EXOC7: variants seen among roughly 807,000 people sequenced by gnomAD.
EXOC7 encodes exocyst complex component 7, also known as exocyst complex component Exo70.
A neutral mutation model predicts 87.6 loss-of-function variants in EXOC7; 51 were observed. The observed-to-expected ratio is 0.58, with a 90% confidence interval of 0.46 to 0.73. The LOEUF is 0.73. Ranked by LOEUF, EXOC7 falls within the 30% of genes least tolerant of loss-of-function variation. EXOC7 has a pLI of 0.00. For missense variants in EXOC7, 744 were observed against 888.4 expected (o/e 0.84, Z 2.07); for synonymous variants, 327 against 357.1 (o/e 0.92, Z 0.95).
At position 76,089,223 on chromosome 17, in the gene EXOC7, G is replaced by C. The variant is rs774094639; in HGVS notation, c.999C>G (p.Asp333Glu). ...LAQSEYQLLA[D>E]IIPEHHQKKT... The stretch of plus-strand genomic sequence containing the variant: ...TCTTCTGGTGGTGCTCGGGGATGAT[G>C]TCGGCCAGCAGCTGGTACTCGCTCT... The change falls in exon 8 of 19, where the codon GAC (aspartate) becomes GAG (glutamate). Residue 333 changes from aspartate to glutamate, a missense_variant. Around this residue, in one of 3 missense-constraint regions of EXOC7, gnomAD observed 512 missense variants for 573.0 expected, o/e 0.89. Transcript: ENST00000589210. The C allele has an allele frequency of 1.2e-6, 2 of 1,614,076 alleles. No individual in the cohort carries two copies. The highest frequency in any genetic ancestry group is 1.7e-4 in the Middle Eastern group (1 of 6,044).
rs761061183 is a variant in EXOC7, at chr17:76,103,350, G to A, written c.126+11C>T. The A allele has an allele frequency of 6.3e-7, 1 of 1,590,298 alleles. No homozygotes were observed. The highest frequency in any genetic ancestry group is 8.6e-7 in the Non-Finnish European group (1 of 1,167,658). On this transcript the variant is annotated intron_variant, in intron 2 of 18. Transcript: ENST00000589210. ...AGGCCTGCCCTCTCCCCCAGCTGCG[G>A]GGAGACTCACCATGTTCTTAGTGAG...
chr17:76,094,475 G>A lies in EXOC7; in HGVS notation c.747C>T (p.Tyr249=). The change falls in exon 6 of 19, where the codon TAC becomes TAT. Residue 249 remains tyrosine (Y), a synonymous_variant. Coordinates refer to ENST00000589210, the MANE Select transcript of EXOC7 (RefSeq NM_001013839.4). ...HKSSSSSGVP[Y]SPAIPNKRKD... The stretch of plus-strand genomic sequence containing the variant: ...TCCTCTTGTTGGGGATAGCAGGGGA[G>A]TAGGGAACCCCAGAGGAAGAACTGC... 2.5e-6 allele frequency: 4 copies of A among 1,614,176 alleles called. No individual in the cohort carries two copies. The highest frequency in any genetic ancestry group is 3.4e-6 in the Non-Finnish European group (4 of 1,180,038).
intron 2 of EXOC7, chr17:76,103,111 G>C (rs183934218): frequency 3.9e-4 from 211 of 541,788 alleles, no homozygotes; most frequent in Non-Finnish European, 9.6e-5. Flanking sequence ...AGAGAAGGAA[G>C]AATGGCGAGC....
rs781464206 is a variant in EXOC7, at chr17:76,098,080, TC to T, written c.418-63del. ...TTCAGTGTTCTGCCAGTCCTGGCCT[TC>T]CCCTGCCTGTGCCAGCTCTGTCTTC... On this transcript the variant is annotated intron_variant, in intron 4 of 18. Coordinates refer to ENST00000589210, the MANE Select transcript of EXOC7 (RefSeq NM_001013839.4). The T allele has an allele frequency of 1.1e-5, 16 of 1,437,442 alleles. No individual in the cohort carries two copies. The Admixed American group carries it at 2.6e-4, about 23-fold the overall frequency. 89.0% of individuals were successfully genotyped at this position (1,437,442 alleles called of 1,614,324 possible).
At chr17:76,100,568 G>A (rs749859088) in intron 4 of EXOC7, among the ~76,000 whole-genome samples, 20 of 151,900 alleles carry the variant, frequency 1.3e-4, no homozygotes, top group Admixed American at 2.0e-4. Context: ...CGGAGGCAGA[G>A]GTTGCAGTGA....
intron 18 of EXOC7, 39 bp from the exon 19 acceptor site, chr17:76,083,789 C>A (rs752360371): frequency 4.4e-6 from 7 of 1,582,902 alleles, no homozygotes; most frequent in South Asian, 2.2e-5. Flanking sequence ...GGAGGGCCGA[C>A]CCCTCCCCAG....
rs760460725 is a variant in EXOC7 at position 76,081,750 on chromosome 17, T to C, written c.*1898A>G. 1.2e-6 allele frequency: 2 copies of C among 1,614,028 alleles called. No homozygotes were observed. Among genetic ancestry groups the C allele is most frequent in the South Asian group, 2.2e-5 (2 of 91,080 alleles). Reference sequence around the variant, plus strand: ...CCCAGCTCCTCCTCCTGCAACCCACTGCTCAGTAAGCCCTGCTCCCTTACC... The same window carrying C: ...CCCAGCTCCTCCTCCTGCAACCCACCGCTCAGTAAGCCCTGCTCCCTTACC... On this transcript the variant is annotated 3_prime_UTR_variant, in exon 19 of 19. Coordinates refer to ENST00000589210, the MANE Select transcript of EXOC7 (RefSeq NM_001013839.4).
At chr17:76,086,992 A>AC in intron 12 of EXOC7, 1 of 1,055,636 alleles carries the variant, frequency 9.5e-7, no homozygotes, top group Non-Finnish European at 1.4e-6. Context: ...CGGCATGTCA[A>AC]CCCGAATTAA....
intron 5 of EXOC7, among the ~76,000 whole-genome samples, chr17:76,094,831 G>C (rs1319364441): frequency 6.7e-6 from 1 of 149,522 alleles, no homozygotes; most frequent in Non-Finnish European, 1.5e-5. Context: ...CTGCAGGCTC[G>C]ACCTCCTGGG....
At chr17:76,087,607 G>A (rs1422949464) in intron 12 of EXOC7, 47 bp downstream of exon 12, 1 of 1,532,008 alleles carries the variant, frequency 6.5e-7, no homozygotes, top group Non-Finnish European at 8.8e-7. Context: ...ATGTCTCCAG[G>A]CAAGGAGGCG....
chr17:76,097,483 C>A (rs550600906), intron 5 of EXOC7, among the ~76,000 whole-genome samples: 1 of 151,956 alleles, frequency 6.6e-6, no homozygotes, highest in African/African-American at 2.4e-5. Flanking sequence ...GTGGGCAGAT[C>A]ACCTGAGGTC....
intron 12 of EXOC7, 48 bp downstream of exon 12, chr17:76,087,606 G>T: frequency 6.5e-7 from 1 of 1,531,370 alleles, no homozygotes. Flanking sequence ...CATGTCTCCA[G>T]GCAAGGAGGC....
At chr17:76,101,997 T>C (rs1250509210) in intron 2 of EXOC7, 134 bp from the exon 3 acceptor site, 7 of 648,840 alleles carry the variant, frequency 1.1e-5, no homozygotes, top group Non-Finnish European at 1.8e-5. Context: ...GAACAGGGTG[T>C]ACCTGTTCCC....
chr17:76,083,576 G>A lies in EXOC7; in HGVS notation c.*72C>T, dbSNP rs2067071672. On this transcript the variant is annotated 3_prime_UTR_variant, in exon 19 of 19. Coordinates refer to ENST00000589210, the MANE Select transcript of EXOC7 (RefSeq NM_001013839.4). ...GGACTTCAAGCTCACCCAGCCCAGA[G>A]GCAAGCTAACACTGGTTTATCTGTC... is the stretch of plus-strand genomic sequence containing the variant. 2.0e-6 allele frequency: 3 copies of A among 1,501,204 alleles called. No individual in the cohort carries two copies. Among genetic ancestry groups the A allele is most frequent in the Admixed American group, 1.7e-5 (1 of 59,666 alleles). The allele number at this position is 1,501,204 out of a possible 1,614,324, so 93.0% of individuals were successfully genotyped here. A position where few individuals can be genotyped will look rare whatever the true frequency, so the allele number is the denominator to read the frequency against.
In EXOC7 at chr17:76,082,639, C is replaced by T. The variant is rs143262818; in HGVS notation, c.*1009G>A. On this transcript the variant is annotated 3_prime_UTR_variant, in exon 19 of 19. Transcript: ENST00000589210. ...TGGAGAGGCTGCACCCCATGGCAGG[C>T]GGCCTAGACTGTAAAGGGGCAGGGC... The T allele has an allele frequency of 4.0e-5, 65 of 1,611,076 alleles. No homozygotes were observed. Among genetic ancestry groups the T allele is most frequent in the African/African-American group, 5.3e-5 (4 of 74,840 alleles).
At chr17:76,096,952 T>C (rs1186554557) in intron 5 of EXOC7, among the ~76,000 whole-genome samples, 3 of 151,870 alleles carry the variant, frequency 2.0e-5, no homozygotes, top group African/African-American at 7.3e-5. Context: ...CAGGCTCAAG[T>C]CATTCCCCGC....
intron 6 of EXOC7, chr17:76,093,892 C>A (rs2067619985): frequency 6.5e-6 from 1 of 153,126 alleles, no homozygotes; most frequent in Non-Finnish European, 1.5e-5. Context: ...GCACTGGAGC[C>A]CAAAGCCAGT....
At chr17:76,095,602 A>G (rs1033546481) in intron 5 of EXOC7, among the ~76,000 whole-genome samples, 1 of 152,170 alleles carries the variant, frequency 6.6e-6, no homozygotes, top group African/African-American at 2.4e-5. Flanking sequence ...AGTATAAATT[A>G]AAAAAATTAG....
rs2067040789 is a variant in EXOC7 at position 76,082,836 on chromosome 17, G to A, written c.*812C>T. 12 of 521,814 alleles carry A rather than the reference G, an allele frequency of 2.3e-5. No individual in the cohort carries two copies. Among genetic ancestry groups the A allele is most frequent in the South Asian group, 5.4e-5 (1 of 18,638 alleles). 32.3% of individuals were successfully genotyped at this position (521,814 alleles called of 1,614,324 possible). A position where few individuals can be genotyped will look rare whatever the true frequency, so the allele number is the denominator to read the frequency against. On this transcript the variant is annotated 3_prime_UTR_variant, in exon 19 of 19. Coordinates refer to ENST00000589210, the MANE Select transcript of EXOC7 (RefSeq NM_001013839.4). ...GCCTCAAGGGTCAGTCTTCAATCTC[G>A]TCCTAAATAGGTGGGGCCCTATTTT...
Sources: gnomAD v4.1 joint callset for allele counts (sites outside exome capture counted in the v4.1 genomes callset) on GRCh38, gnomAD v4.1.1 for gene constraint, gnomAD v4.1.1 regional missense constraint, MANE v1.5 for transcripts, NCBI Gene and HGNC (gene_info 2026-07-23, HGNC 2026-07-21) for gene names.